The following FGGY variants were observed in gnomAD, a reference collection of about 807,000 sequenced individuals.
FGGY encodes the protein FGGY carbohydrate kinase domain-containing protein.
A neutral mutation model predicts 71.3 loss-of-function variants in FGGY; 72 were observed. The ratio of observed to expected loss-of-function variants is 1.01; its 90% CI spans 0.84 to 1.23. FGGY has a LOEUF of 1.23. Among genes scored for constraint, FGGY ranks in the 50% most tolerant of loss-of-function variants. The probability of loss-of-function intolerance (pLI) is 0.00; values close to 1 mark genes in which losing one functional copy is unlikely to be tolerated. For synonymous variants in FGGY, 251 were observed against 250.3 expected (o/e 1.00, Z -0.02); for missense variants, 668 against 682.3 (o/e 0.98, Z 0.23).
At chr1:59,404,386 T>C (rs890593187) in intron 5 of FGGY, among the ~76,000 whole-genome samples, 9 of 152,176 alleles carry the variant, frequency 5.9e-5, no homozygotes, top group African/African-American at 2.2e-4. Context: ...CATTTTTTCT[T>C]TCCAGGACAG....
rs34529086 is a variant in FGGY at position 59,635,549 on chromosome 1, CAAA to C, written c.1074-2664_1074-2662del. ...GAAAAGATTTATAGACATGCGTTTC[CAAA>C]AAAAAAAAAAAAAATCCCTTTACTT... On this transcript the variant is annotated intron_variant, in intron 10 of 15. Transcript: ENST00000303721. 1.1e-3 allele frequency among the ~76,000 whole-genome samples: 143 copies of C among 131,094 alleles called. 2 individuals are homozygous for C. Among genetic ancestry groups the C allele is most frequent in the African/African-American group, 3.6e-3 (131 of 36,106 alleles). The allele number at this position is 131,094 out of a possible 152,430, so 86.0% of individuals were successfully genotyped here.
rs752507361 is a variant in FGGY at position 59,641,243 on chromosome 1, T to C, written c.1221+2868T>C. 2.0e-5 allele frequency: 31 copies of C among 1,554,834 alleles called. No individual in the cohort carries two copies. In the Admixed American group the frequency reaches 5.2e-4, roughly 26 times the overall value. ...ATAGATTGCCTTTAGCATTTTATCT[T>C]AATAATAAAAAAAGAAAATTTTCTC... On this transcript the variant is annotated intron_variant, in intron 11 of 15. Transcript: ENST00000303721.
chr1:59,435,579 C>T (rs1052842641), intron 5 of FGGY, among the ~76,000 whole-genome samples: 1 of 152,180 alleles, frequency 6.6e-6, no homozygotes, highest in Non-Finnish European at 1.5e-5. Context: ...CCACTCTCCC[C>T]TTTGCCTGTG....
intron 9 of FGGY, among the ~76,000 whole-genome samples, chr1:59,617,185 C>T (rs74480046): frequency 0.037 from 5,631 of 151,302 alleles, 203 homozygotes; most frequent in African/African-American, 0.099. Context: ...GCCACACAGT[C>T]ATAAATACAC....
chr1:59,505,511 A>T (rs757611207), intron 6 of FGGY, among the ~76,000 whole-genome samples: 2 of 152,140 alleles, frequency 1.3e-5, no homozygotes, highest in Non-Finnish European at 2.9e-5. Context: ...GGCAAAACTG[A>T]GCTGGGGGCT....
chr1:59,701,921 G>A (rs1424637330), intron 14 of FGGY, among the ~76,000 whole-genome samples: 1 of 152,148 alleles, frequency 6.6e-6, no homozygotes, highest in East Asian at 1.9e-4. Flanking sequence ...ATGAAATGGA[G>A]ATTGTATTAG....
rs994471542 is a variant in FGGY at position 59,356,950 on chromosome 1, A to G, written c.465+10552A>G. ...TAAGTTGCTCCCTTCACCCCCCAGG[A>G]GAATCCAAGACTCATCTTCTCAATC... On this transcript the variant is annotated intron_variant, in intron 4 of 15. Coordinates refer to ENST00000303721, the MANE Select transcript of FGGY (RefSeq NM_018291.5). Among the ~76,000 whole-genome samples the G allele has an allele frequency of 6.1e-4, 93 of 152,288 alleles. 2 individuals carry two copies. Among genetic ancestry groups the G allele is most frequent in the African/African-American group, 2.1e-3 (89 of 41,562 alleles).
At chr1:59,616,171 T>A (rs1181688034) in intron 9 of FGGY, among the ~76,000 whole-genome samples, 1 of 152,178 alleles carries the variant, frequency 6.6e-6, no homozygotes, top group Non-Finnish European at 1.5e-5. Context: ...ATGCTGCTAT[T>A]AGACACATGC....
At chr1:59,460,525 G>C (rs2092100667) in intron 6 of FGGY, among the ~76,000 whole-genome samples, 1 of 152,232 alleles carries the variant, frequency 6.6e-6, no homozygotes, top group Non-Finnish European at 1.5e-5. Context: ...AAACGTTCCT[G>C]TCTGACAGCT....
At chr1:59,370,080 T>C (rs2057331687) in intron 4 of FGGY, among the ~76,000 whole-genome samples, 1 of 151,892 alleles carries the variant, frequency 6.6e-6, no homozygotes, top group Admixed American at 6.6e-5. Context: ...CTTTGACGAG[T>C]TGAGAGAAGA....
At chr1:59,560,077 C>T (rs573284556) in intron 8 of FGGY, among the ~76,000 whole-genome samples, 40 of 152,260 alleles carry the variant, frequency 2.6e-4, no homozygotes, top group African/African-American at 9.4e-4. Flanking sequence ...TGAGAAACAG[C>T]ATCCACGTGA....
intron 11 of FGGY, among the ~76,000 whole-genome samples, chr1:59,650,858 G>C (rs1323773194): frequency 1.3e-5 from 2 of 148,712 alleles, no homozygotes; most frequent in East Asian, 3.9e-4. Context: ...GTCAATTTTG[G>C]ATCTTTCCTG....
chr1:59,482,887 A>G (rs568409021), intron 6 of FGGY, among the ~76,000 whole-genome samples: 30 of 151,834 alleles, frequency 2.0e-4, no homozygotes, highest in Non-Finnish European at 2.9e-4. Context: ...CCCATTTTCT[A>G]CTCTGTGAAC....
chr1:59,437,202 A>G lies in FGGY; in HGVS notation c.555-19759A>G, dbSNP rs756286736. 3.3e-5 allele frequency among the ~76,000 whole-genome samples: 5 copies of G among 152,240 alleles called. No individual in the cohort carries two copies. In the South Asian group the frequency reaches 8.3e-4, roughly 25 times the overall value. ...TGAGGAGCCCTGTGCTTTAATTTCCATTATGTGTGAAGATGTCTGCCATGA... is the reference window on the plus strand; with the variant it reads ...TGAGGAGCCCTGTGCTTTAATTTCCGTTATGTGTGAAGATGTCTGCCATGA... On this transcript the variant is annotated intron_variant, in intron 5 of 15. Transcript: ENST00000303721.
chr1:59,539,212 A>G (rs1257585663), intron 7 of FGGY, among the ~76,000 whole-genome samples: 1 of 152,194 alleles, frequency 6.6e-6, no homozygotes, highest in Non-Finnish European at 1.5e-5. Context: ...TGTTCTATAG[A>G]TTCAGTGTAC....
At chr1:59,615,068 C>G (rs909565437) in intron 9 of FGGY, among the ~76,000 whole-genome samples, 1 of 152,036 alleles carries the variant, frequency 6.6e-6, no homozygotes, top group Non-Finnish European at 1.5e-5. Flanking sequence ...AAAATGGCCA[C>G]ACTGCCCAAG....
intron 14 of FGGY, among the ~76,000 whole-genome samples, chr1:59,744,457 A>G (rs1186740842): frequency 3.3e-5 from 5 of 152,150 alleles, no homozygotes; most frequent in Non-Finnish European, 7.4e-5. Flanking sequence ...CTGACCTTAG[A>G]TGATCCACCC....
At chr1:59,622,496 T>C (rs2096820502) in intron 9 of FGGY, among the ~76,000 whole-genome samples, 1 of 152,184 alleles carries the variant, frequency 6.6e-6, no homozygotes, top group African/African-American at 2.4e-5. Context: ...TCAAGTTTTG[T>C]TACTCTCCTG....
At chr1:59,643,709 C>T (rs1188036729) in intron 11 of FGGY, among the ~76,000 whole-genome samples, 2 of 152,172 alleles carry the variant, frequency 1.3e-5, no homozygotes, top group African/African-American at 2.4e-5. Flanking sequence ...TGTCATAAGA[C>T]ATAACATATG....
Sources: gnomAD v4.1 joint callset for allele counts (sites outside exome capture counted in the v4.1 genomes callset) on GRCh38, gnomAD v4.1.1 for gene constraint, MANE v1.5 for transcripts, NCBI Gene and HGNC (gene_info 2026-07-23, HGNC 2026-07-21) for gene names.